MYO10: variants seen among roughly 807,000 people sequenced by gnomAD.
The protein encoded by MYO10 is myosin X.
MYO10 carries 133 observed loss-of-function variants against 257.3 expected under a neutral mutation model. The observed-to-expected ratio is 0.52, with a 90% CI of 0.45 to 0.60. The LOEUF (loss-of-function observed/expected upper bound fraction) is 0.60. Ranked by LOEUF, MYO10 falls within the 20% of genes least tolerant of loss-of-function variation. MYO10 has a pLI of 0.00. For synonymous variants in MYO10, 1,104 were observed against 1,028.6 expected, an observed-to-expected ratio of 1.07 and a Z score of -1.40; for missense variants, 2,399 against 2,635.7, an observed-to-expected ratio of 0.91 and a Z score of 1.97.
chr5:16,885,245 T>C (rs1330302183), intron 1 of MYO10, among the ~76,000 whole-genome samples: 2 of 151,754 alleles, frequency 1.3e-5, no homozygotes, highest in Admixed American at 6.6e-5. Context: ...ATTGGAACCA[T>C]GCAGACACAG....
chr5:16,713,543 A>C, intron 19 of MYO10: 10 of 919,322 alleles, frequency 1.1e-5, no homozygotes, highest in Non-Finnish European at 1.2e-5. Context: ...AGGATTTGAC[A>C]CAGCCAGGGG....
rs766611285 is a variant in MYO10, at chr5:16,701,418, C to A, written c.2977G>T (p.Val993Phe). The change falls in exon 25 of 41, where the codon GTC becomes TTC. Residue 993 changes from valine to phenylalanine, a missense_variant. Val to Phe is a conservative substitution (Grantham distance 50). Coordinates refer to ENST00000513610, the MANE Select transcript of MYO10 (RefSeq NM_012334.3). The surrounding 1 kb of genome is among the most constrained non-coding windows in gnomAD (Gnocchi z 8.1). Reference protein sequence around the residue: ...NFSQPYPEEEVDEGFEADDDA... With the variant: ...NFSQPYPEEEFDEGFEADDDA... ...TCGTCGGCTTCGAAGCCCTCATCGA[C>A]CTCCTCCTCTGGGTAGGGCTGGCTG... 2 of 1,614,024 alleles carry A rather than the reference C, an allele frequency of 1.2e-6. No homozygotes were observed. Among genetic ancestry groups the A allele is most frequent in the Non-Finnish European group, 1.7e-6 (2 of 1,179,896 alleles).
chr5:16,836,411 C>T (rs113002411), intron 2 of MYO10, among the ~76,000 whole-genome samples: 5 of 152,160 alleles, frequency 3.3e-5, no homozygotes, highest in Non-Finnish European at 7.3e-5. Flanking sequence ...CAGTGGTTTG[C>T]ATCTTCATCC....
intron 1 of MYO10, among the ~76,000 whole-genome samples, chr5:16,886,990 CAGTGT>C (rs1309190722): frequency 1.3e-5 from 2 of 150,580 alleles, no homozygotes; most frequent in East Asian, 3.9e-4. Context: ...CTGAAGACCA[CAGTGT>C]TCCAAATACT....
At chr5:16,673,931 G>T (rs1221360460) in intron 35 of MYO10, 42 bp from the exon 36 acceptor site, 2 of 1,582,952 alleles carry the variant, frequency 1.3e-6, no homozygotes, top group Non-Finnish European at 1.7e-6. Context: ...GACTGATGGG[G>T]GCTGGCTGCT....
intron 2 of MYO10, among the ~76,000 whole-genome samples, chr5:16,848,155 C>CTT (rs371042891): frequency 2.5e-4 from 28 of 113,550 alleles, no homozygotes; most frequent in African/African-American, 4.5e-4. Flanking sequence ...CTACACATTT[C>CTT]TTTTTTTTTT....
chr5:16,892,999 T>C (rs954723650), intron 1 of MYO10, among the ~76,000 whole-genome samples: 2 of 151,684 alleles, frequency 1.3e-5, no homozygotes, highest in African/African-American at 4.8e-5. Flanking sequence ...ATCAAGACCA[T>C]CCTGGCTAAC....
At chr5:16,759,564 G>A (rs962309116) in intron 17 of MYO10, among the ~76,000 whole-genome samples, 12 of 152,154 alleles carry the variant, frequency 7.9e-5, no homozygotes, top group Admixed American at 4.6e-4. Flanking sequence ...TTTGCAAGGG[G>A]AAACCTGGGG....
In MYO10 at chr5:16,668,207, G is replaced by A. The variant is rs924329570; in HGVS notation, c.6075+70C>T. Reference sequence around the variant, plus strand: ...GAAAATGACCTGGTCAAAGGCATGAGGAAATGGGGTCCTGTTTTTCTGTTT... The same window carrying A: ...GAAAATGACCTGGTCAAAGGCATGAAGAAATGGGGTCCTGTTTTTCTGTTT... On this transcript the variant is annotated intron_variant, in intron 40 of 40. Transcript: ENST00000513610. 17 of 1,466,076 alleles carry A rather than the reference G, an allele frequency of 1.2e-5. No homozygotes were observed. In the Admixed American group the frequency reaches 3.7e-4, roughly 32 times the overall value. The allele number at this position is 1,466,076 out of a possible 1,614,324, so 90.8% of individuals were successfully genotyped here.
chr5:16,695,510 A>G (rs1737706320), intron 26 of MYO10, among the ~76,000 whole-genome samples: 1 of 151,982 alleles, frequency 6.6e-6, no homozygotes, highest in East Asian at 1.9e-4. Flanking sequence ...GTTTACAGGT[A>G]TAAGACTGAG....
intron 26 of MYO10, among the ~76,000 whole-genome samples, chr5:16,698,256 T>C (rs1039190013): frequency 2.0e-5 from 3 of 152,052 alleles, no homozygotes; most frequent in Admixed American, 2.0e-4. Flanking sequence ...CTAGCTCCTA[T>C]GAAGGCTGCG....
rs936082708 is a variant in MYO10 at position 16,666,324 on chromosome 5, C to T, written c.*368G>A. 1.6e-5 allele frequency: 3 copies of T among 186,512 alleles called. No homozygotes were observed. Among genetic ancestry groups the T allele is most frequent in the Admixed American group, 1.2e-4 (2 of 16,486 alleles). The allele number at this position is 186,512 out of a possible 1,614,324, so 11.6% of individuals were successfully genotyped here. On this transcript the variant is annotated 3_prime_UTR_variant, in exon 41 of 41. Coordinates refer to ENST00000513610, the MANE Select transcript of MYO10 (RefSeq NM_012334.3). ...CCCTTCCACGCTCTGTTAAGTCTCC[C>T]CCAGAAGGGGGAAAGGCAGTTCCCT...
intron 2 of MYO10, among the ~76,000 whole-genome samples, chr5:16,852,556 CT>C (rs1419417311): frequency 1.3e-5 from 2 of 151,694 alleles, no homozygotes; most frequent in Non-Finnish European, 2.9e-5. Context: ...ATTCCCTAAC[CT>C]GCTGGCTGAC....
chr5:16,740,586 G>C (rs979689593), intron 19 of MYO10, among the ~76,000 whole-genome samples: 15 of 152,028 alleles, frequency 9.9e-5, no homozygotes, highest in African/African-American at 3.6e-4. Flanking sequence ...GACCGACTGG[G>C]GTCGCCTCTC....
intron 1 of MYO10, among the ~76,000 whole-genome samples, chr5:16,893,697 C>G (rs1331753381): frequency 1.3e-5 from 2 of 151,502 alleles, no homozygotes; most frequent in African/African-American, 4.9e-5. Context: ...TCATTTCTCT[C>G]CATATTACAC....
At chr5:16,854,259 A>G (rs1276847307) in intron 2 of MYO10, 1 of 152,236 alleles carries the variant, frequency 6.6e-6, no homozygotes, top group Admixed American at 6.5e-5. Context: ...ACACATGGCT[A>G]GCTATATTTC....
intron 30 of MYO10, among the ~76,000 whole-genome samples, 198 bp downstream of exon 30, chr5:16,683,669 ACTCCAAAGATACC>A (rs1208968883): frequency 6.6e-6 from 1 of 152,124 alleles, no homozygotes; most frequent in Non-Finnish European, 1.5e-5. Context: ...TTTCCCCAGG[ACTCCAAAGATACC>A]CAGAGAAGGA....
In MYO10 at chr5:16,780,466, T is replaced by A. The variant is rs187267833; in HGVS notation, c.826+58A>T. The A allele has an allele frequency of 2.9e-3, 4,111 of 1,395,492 alleles. 7 individuals are homozygous for A. The highest frequency in any genetic ancestry group is 3.4e-3 in the Non-Finnish European group (3,416 of 1,005,120). 86.4% of individuals were successfully genotyped at this position (1,395,492 alleles called of 1,614,324 possible). On this transcript the variant is annotated intron_variant, in intron 8 of 40. Transcript: ENST00000513610. Reference sequence around the variant, plus strand: ...ACAGATGTTCTCTCATTTACTGACATCTATTTAAATGGAAAATGAGTTGCT... The same window carrying A: ...ACAGATGTTCTCTCATTTACTGACAACTATTTAAATGGAAAATGAGTTGCT...
In MYO10 at chr5:16,766,128, T is replaced by C. The variant is rs748436419; in HGVS notation, c.1131A>G (p.Ser377=). 6.2e-7 allele frequency: 1 copy of C among 1,613,856 alleles called. No homozygotes were observed. Among genetic ancestry groups the C allele is most frequent in the Non-Finnish European group, 8.5e-7 (1 of 1,179,798 alleles). Residue 377 remains serine (S), a synonymous_variant, in exon 11 of 41, where the codon TCA becomes TCG. Transcript: ENST00000513610. ...TQLTDALTQR[S]MFLRGEEILT... ...GGATCTCTTCTCCCCTGAGGAACAT[T>C]GATCTCTGGGTCAAAGCATCTGTGA...
Sources: allele counts gnomAD v4.1 joint callset (sites outside exome capture counted in the v4.1 genomes callset), GRCh38; gene constraint gnomAD v4.1.1; non-coding constraint Gnocchi (gnomAD v3.1); transcripts MANE v1.5; gene names NCBI Gene and HGNC (gene_info 2026-07-23, HGNC 2026-07-21).